EPS15L1: variants seen among roughly 807,000 people sequenced by gnomAD.
EPS15L1 encodes epidermal growth factor receptor substrate 15-like 1.
In EPS15L1, 43 loss-of-function variants were observed where a neutral mutation model predicts 117.1. That is an observed-to-expected ratio of 0.37 (90% CI 0.29 to 0.47). EPS15L1 has a LOEUF of 0.47. Ranked by LOEUF, EPS15L1 falls within the 20% of genes least tolerant of loss-of-function variation. The pLI is 0.99. For synonymous variants in EPS15L1, 459 were observed against 470.5 expected (o/e 0.98, Z 0.32); for missense variants, 981 against 1,164.0 (o/e 0.84, Z 2.29).
At chr19:16,394,599 T>C (rs2092519990) in intron 17 of EPS15L1, among the ~76,000 whole-genome samples, 1 of 152,256 alleles carries the variant, frequency 6.6e-6, no homozygotes, top group African/African-American at 2.4e-5. Context: ...CTTGGAAATC[T>C]TGTTTCTGGA....
chr19:16,355,556 T>C lies in EPS15L1; in HGVS notation c.*149A>G. 1 of 1,023,356 alleles carries C rather than the reference T, an allele frequency of 9.8e-7. No homozygotes were observed. The highest frequency in any genetic ancestry group is 1.4e-6 in the Non-Finnish European group (1 of 723,908). 63.4% of individuals were successfully genotyped at this position (1,023,356 alleles called of 1,614,324 possible). ...CAGGAGATGTGACCTTTCCAGGTCTTGCAGCCGAGTCTGCTCACCCTGAAC... is the reference window on the plus strand; with the variant it reads ...CAGGAGATGTGACCTTTCCAGGTCTCGCAGCCGAGTCTGCTCACCCTGAAC... On this transcript the variant is annotated 3_prime_UTR_variant, in exon 24 of 24. Transcript: ENST00000455140.
intron 16 of EPS15L1, chr19:16,400,577 T>C: frequency 2.1e-6 from 2 of 932,746 alleles, no homozygotes; most frequent in African/African-American, 1.8e-5. Context: ...TGTTCAGGAG[T>C]AAACAAAAAT....
At chr19:16,454,819 C>CTTT (rs538990101) in intron 1 of EPS15L1, among the ~76,000 whole-genome samples, 3 of 143,560 alleles carry the variant, frequency 2.1e-5, no homozygotes, top group Admixed American at 1.4e-4. Flanking sequence ...TTTCTTTTTT[C>CTTT]TTTTTTTTTT....
At chr19:16,414,198 C>T (rs555976298) in intron 12 of EPS15L1, among the ~76,000 whole-genome samples, 1 of 152,238 alleles carries the variant, frequency 6.6e-6, no homozygotes, top group East Asian at 1.9e-4. Flanking sequence ...GGGCAGTGTC[C>T]AGGAGCATGG....
chr19:16,360,319 G>C (rs2092034648), intron 23 of EPS15L1, among the ~76,000 whole-genome samples: 1 of 152,082 alleles, frequency 6.6e-6, no homozygotes, highest in African/African-American at 2.4e-5. Context: ...GATAAAGCAG[G>C]TTTTGTTTCT....
In EPS15L1 at chr19:16,404,899, C is replaced by T. The variant is rs1038750269; in HGVS notation, c.1267-150G>A. On this transcript the variant is annotated intron_variant, in intron 13 of 23. Transcript: ENST00000455140. The surrounding 1 kb of genome is among the most constrained non-coding windows in gnomAD (Gnocchi z 4.2). ...AGGGCCAGCATTCCGTGCACACCCACGGCCAATGTGTGCCTCTTGGGCTGG... is the reference window on the plus strand; with the variant it reads ...AGGGCCAGCATTCCGTGCACACCCATGGCCAATGTGTGCCTCTTGGGCTGG... 24 of 816,316 alleles carry T rather than the reference C, an allele frequency of 2.9e-5. No homozygotes were observed. The highest frequency in any genetic ancestry group is 1.2e-4 in the South Asian group (7 of 59,210). The allele number at this position is 816,316 out of a possible 1,614,324, so 50.6% of individuals were successfully genotyped here.
intron 4 of EPS15L1, among the ~76,000 whole-genome samples, 194 bp from the exon 5 acceptor site, chr19:16,438,059 T>C (rs116717777): frequency 6.6e-6 from 1 of 152,100 alleles, no homozygotes; most frequent in Non-Finnish European, 1.5e-5. Context: ...TACACTAAAA[T>C]GGACTTATCC....
At chr19:16,391,050 G>C (rs1405233942) in intron 19 of EPS15L1, among the ~76,000 whole-genome samples, 3 of 152,144 alleles carry the variant, frequency 2.0e-5, no homozygotes, top group African/African-American at 7.2e-5. Context: ...TGATGGGACT[G>C]CATCTCGATA....
intron 8 of EPS15L1, among the ~76,000 whole-genome samples, chr19:16,428,013 C>A (rs1022340223): frequency 6.7e-6 from 1 of 148,402 alleles, no homozygotes; most frequent in Non-Finnish European, 1.5e-5. Flanking sequence ...CCATCCTGAC[C>A]AACATGGTGA....
chr19:16,395,211 A>AG (rs1179888806), intron 17 of EPS15L1, 133 bp downstream of exon 17: 1 of 948,986 alleles, frequency 1.1e-6, no homozygotes, highest in African/African-American at 1.7e-5. Context: ...CAAAAAAAAA[A>AG]AAAAAAAAGG....
chr19:16,406,856 C>G (rs1203530168), intron 13 of EPS15L1, among the ~76,000 whole-genome samples: 1 of 152,324 alleles, frequency 6.6e-6, no homozygotes, highest in East Asian at 1.9e-4. Context: ...AAATTCTCAC[C>G]CCCAAGATGA....
rs1230096666 is a variant in EPS15L1, at chr19:16,420,232, C to T, written c.950+1087G>A. Reference sequence around the variant, plus strand: ...GACCTCTGAGTTCCTTCTTTTGATCCAGGTGGATTAGTGATTTCCTGTGTC... The same window carrying T: ...GACCTCTGAGTTCCTTCTTTTGATCTAGGTGGATTAGTGATTTCCTGTGTC... On this transcript the variant is annotated intron_variant, in intron 10 of 23. Transcript: ENST00000455140. 2.0e-5 allele frequency among the ~76,000 whole-genome samples: 3 copies of T among 152,186 alleles called. No individual in the cohort carries two copies. The East Asian group carries it at 5.8e-4, about 29-fold the overall frequency.
At chr19:16,374,458 CA>C (rs755529867) in intron 22 of EPS15L1, among the ~76,000 whole-genome samples, 56 of 152,256 alleles carry the variant, frequency 3.7e-4, no homozygotes, top group Non-Finnish European at 6.6e-4. Flanking sequence ...AAGCCAGGCC[CA>C]AGGAAGTCAC....
intron 20 of EPS15L1, among the ~76,000 whole-genome samples, 181 bp from the exon 21 acceptor site, chr19:16,385,392 G>C (rs1244878593): frequency 6.6e-6 from 1 of 152,178 alleles, no homozygotes; most frequent in East Asian, 1.9e-4. Context: ...CTCTGGCATG[G>C]CAAGACGGTT....
intron 4 of EPS15L1, 114 bp downstream of exon 4, chr19:16,440,748 T>C (rs1410717529): frequency 1.1e-6 from 1 of 888,608 alleles, no homozygotes; most frequent in East Asian, 2.5e-5. Context: ...TTGACAGCCG[T>C]GCTCATGCCT....
chr19:16,417,629 TG>T lies in EPS15L1; in HGVS notation c.1115del (p.Ser372Ter). 6.2e-7 allele frequency: 1 copy of T among 1,614,060 alleles called. No individual in the cohort carries two copies. Among genetic ancestry groups the T allele is most frequent in the Non-Finnish European group, 8.5e-7 (1 of 1,179,892 alleles). On this transcript the variant is annotated frameshift_variant, in exon 12 of 24. Transcript: ENST00000455140. LOFTEE classifies it high-confidence loss of function. ...TAAACTCCCCGGAGCCGAGAGAGCC[TG>T]AACTGTCCTAGAATTGAATTCAGAG... ...SERGTPGPDS[S>X]GSLGSGEFTG...
chr19:16,456,719 C>T (rs945801601), intron 1 of EPS15L1, among the ~76,000 whole-genome samples: 1 of 151,996 alleles, frequency 6.6e-6, no homozygotes, highest in Non-Finnish European at 1.5e-5. Context: ...GAAGGGCAGG[C>T]GGGACAAAGT....
At chr19:16,417,466 C>G (rs1211692743) in intron 12 of EPS15L1, 86 bp downstream of exon 12, 1 of 1,173,686 alleles carries the variant, frequency 8.5e-7, no homozygotes, top group Admixed American at 1.9e-5. Context: ...AGCAAACTTC[C>G]AGGTGAGCCT....
intron 16 of EPS15L1, among the ~76,000 whole-genome samples, chr19:16,396,107 A>C (rs542390158): frequency 6.9e-6 from 1 of 144,394 alleles, no homozygotes; most frequent in African/African-American, 2.5e-5. Context: ...CTGTATCTTT[A>C]AAAAAAAAAA....
Sources: allele counts gnomAD v4.1 joint callset (sites outside exome capture counted in the v4.1 genomes callset), GRCh38; gene constraint gnomAD v4.1.1; non-coding constraint Gnocchi (gnomAD v3.1); transcripts MANE v1.5; gene names NCBI Gene and HGNC (gene_info 2026-07-23, HGNC 2026-07-21).